GRIP1: variants seen among roughly 807,000 people sequenced by gnomAD.
The protein encoded by GRIP1 is glutamate receptor interacting protein 1.
In GRIP1, 45 loss-of-function variants were observed where a neutral mutation model predicts 129.9. The ratio of observed to expected loss-of-function variants is 0.35; its 90% CI spans 0.27 to 0.44. The LOEUF is 0.44. Among genes scored for constraint, GRIP1 ranks in the 20% least tolerant of loss-of-function variants. The pLI, the probability that GRIP1 is intolerant of heterozygous loss-of-function variation, is 1.00. For synonymous variants in GRIP1, 530 were observed against 520.8 expected (o/e 1.02, Z -0.24); for missense variants, 1,196 against 1,396.8 (o/e 0.86, Z 2.29).
At chr12:66,526,293 A>G (rs897022891) in intron 5 of GRIP1, among the ~76,000 whole-genome samples, 1 of 152,188 alleles carries the variant, frequency 6.6e-6, no homozygotes, top group Non-Finnish European at 1.5e-5. Context: ...ACAAGGCTAC[A>G]GTAACCAAAA....
At chr12:66,836,027 A>G (rs2039607221) in intron 1 of GRIP1, among the ~76,000 whole-genome samples, 1 of 152,204 alleles carries the variant, frequency 6.6e-6, no homozygotes, top group African/African-American at 2.4e-5. Context: ...TGAACCTAAA[A>G]CTGGTCTAAA....
intron 1 of GRIP1, among the ~76,000 whole-genome samples, chr12:66,769,908 A>G (rs918766709): frequency 2.0e-5 from 3 of 152,224 alleles, no homozygotes; most frequent in East Asian, 3.8e-4. Context: ...AAGAGAACTA[A>G]ACAATATTTT....
intron 1 of GRIP1, among the ~76,000 whole-genome samples, chr12:66,636,840 T>C (rs901904511): frequency 1.3e-5 from 2 of 150,758 alleles, no homozygotes; most frequent in African/African-American, 2.4e-5. Context: ...CACCAGAAAA[T>C]CAAATCTTGC....
chr12:66,555,867 G>T (rs997909952), intron 2 of GRIP1, among the ~76,000 whole-genome samples: 1 of 151,830 alleles, frequency 6.6e-6, no homozygotes, highest in Non-Finnish European at 1.5e-5. Flanking sequence ...TTTGAAAATA[G>T]AGGAGACAAA....
At chr12:67,012,488 G>A (rs892560993) in intron 1 of GRIP1, among the ~76,000 whole-genome samples, 1 of 152,058 alleles carries the variant, frequency 6.6e-6, no homozygotes, top group Non-Finnish European at 1.5e-5. Context: ...TCCAATCTTA[G>A]GTTTCTAAGC....
chr12:67,052,481 C>T (rs1048956519), intron 1 of GRIP1, among the ~76,000 whole-genome samples: 11 of 152,048 alleles, frequency 7.2e-5, no homozygotes, highest in South Asian at 2.1e-4. Flanking sequence ...TACAACAGGC[C>T]GGGCGCAGTG....
At chr12:66,981,967 G>A (rs2042247445) in intron 1 of GRIP1, among the ~76,000 whole-genome samples, 1 of 152,166 alleles carries the variant, frequency 6.6e-6, no homozygotes, top group South Asian at 2.1e-4. Flanking sequence ...AATCACTGCT[G>A]TTACCTTTGA....
intron 1 of GRIP1, among the ~76,000 whole-genome samples, chr12:66,941,339 T>C (rs2041582168): frequency 6.6e-6 from 1 of 152,216 alleles, no homozygotes; most frequent in Non-Finnish European, 1.5e-5. Context: ...TTCAGTCTTC[T>C]AGGCCACACT....
At chr12:66,352,470 C>A (rs1002611360) in intron 24 of GRIP1, among the ~76,000 whole-genome samples, 2 of 152,160 alleles carry the variant, frequency 1.3e-5, no homozygotes, top group Admixed American at 6.5e-5. Context: ...CAGTGGCTCA[C>A]ACCTATAATC....
intron 1 of GRIP1, among the ~76,000 whole-genome samples, chr12:66,796,453 C>A: frequency 6.6e-6 from 1 of 152,110 alleles, no homozygotes; most frequent in East Asian, 1.9e-4. Flanking sequence ...AGCCTCCTAT[C>A]CAGATTATAC....
intron 1 of GRIP1, among the ~76,000 whole-genome samples, chr12:66,896,280 C>T (rs2040745436): frequency 6.6e-6 from 1 of 152,032 alleles, no homozygotes; most frequent in South Asian, 2.1e-4. Flanking sequence ...ATCCCTGTTG[C>T]CCCAAACATT....
intron 1 of GRIP1, among the ~76,000 whole-genome samples, chr12:66,919,599 T>C (rs2041181179): frequency 6.6e-6 from 1 of 152,156 alleles, no homozygotes; most frequent in South Asian, 2.1e-4. Flanking sequence ...TGCTTCCTAA[T>C]GACATAAAGG....
intron 5 of GRIP1, among the ~76,000 whole-genome samples, chr12:66,522,731 G>A (rs1202136227): frequency 6.6e-6 from 1 of 152,128 alleles, no homozygotes; most frequent in East Asian, 1.9e-4. Context: ...AAACTACTCT[G>A]AACTACAGGA....
intron 1 of GRIP1, among the ~76,000 whole-genome samples, chr12:66,973,241 T>G (rs1214639117): frequency 7.3e-6 from 1 of 137,640 alleles, no homozygotes; most frequent in African/African-American, 2.6e-5. Context: ...TTTTAAATAT[T>G]AAAAACACTC....
At chr12:66,797,313 T>C (rs2038728573) in intron 1 of GRIP1, among the ~76,000 whole-genome samples, 1 of 152,190 alleles carries the variant, frequency 6.6e-6, no homozygotes, top group Non-Finnish European at 1.5e-5. Flanking sequence ...GAACGTCATC[T>C]GTCCAAATTT....
At chr12:66,714,893 AT>A (rs2035825252) in intron 1 of GRIP1, among the ~76,000 whole-genome samples, 1 of 146,562 alleles carries the variant, frequency 6.8e-6, no homozygotes. Flanking sequence ...CCACCCATCC[AT>A]CCATCCATCC....
chr12:66,905,561 T>C (rs2040917507), intron 1 of GRIP1, among the ~76,000 whole-genome samples: 1 of 152,226 alleles, frequency 6.6e-6, no homozygotes, highest in South Asian at 2.1e-4. Context: ...TTCTGTGTTT[T>C]CAATAGGAAA....
At chr12:66,492,490 A>G (rs569662786) in intron 7 of GRIP1, among the ~76,000 whole-genome samples, 1 of 152,318 alleles carries the variant, frequency 6.6e-6, no homozygotes, top group Admixed American at 6.5e-5. Flanking sequence ...GGGAATCAAG[A>G]GAGCCAAGGC....
chr12:66,378,756 T>C (rs1468849339), intron 20 of GRIP1, among the ~76,000 whole-genome samples: 1 of 151,036 alleles, frequency 6.6e-6, no homozygotes, highest in Non-Finnish European at 1.5e-5. Context: ...AAAAATAAAA[T>C]AAAAAATAAA....
Sources: allele counts gnomAD v4.1 joint callset (sites outside exome capture counted in the v4.1 genomes callset), GRCh38; gene constraint gnomAD v4.1.1; transcripts MANE v1.5; gene names NCBI Gene and HGNC (gene_info 2026-07-23, HGNC 2026-07-21).